TMEM130: variants seen among roughly 807,000 people sequenced by gnomAD.
TMEM130 encodes the protein transmembrane protein 130.
TMEM130 carries 37 observed loss-of-function variants against 42.9 expected under a neutral mutation model. That is an observed-to-expected ratio of 0.86 (90% confidence interval 0.66 to 1.13). The LOEUF (loss-of-function observed/expected upper bound fraction) is 1.13. Ranked by LOEUF, TMEM130 falls within the 50% of genes most tolerant of loss-of-function variation. TMEM130 has a pLI of 0.00. For synonymous variants in TMEM130, 259 were observed against 237.7 expected, an observed-to-expected ratio of 1.09 and a Z score of -0.82; for missense variants, 545 against 562.6, an observed-to-expected ratio of 0.97 and a Z score of 0.32.
At chr7:98,850,875 A>G (rs4727421) in intron 6 of TMEM130, among the ~76,000 whole-genome samples, 80,856 of 151,644 alleles carry the variant, frequency 0.53, 22,156 homozygotes, top group Middle Eastern at 0.63. Context: ...ATTTGGCGCA[A>G]AAGTGTTTGT....
At chr7:98,852,108 A>G (rs1289933890) in intron 5 of TMEM130, among the ~76,000 whole-genome samples, 1 of 151,742 alleles carries the variant, frequency 6.6e-6, no homozygotes. Flanking sequence ...CACCATGCCC[A>G]ACTAATTTTT....
chr7:98,855,455 G>A (rs1266932692), intron 4 of TMEM130, 131 bp from the exon 5 acceptor site: 2 of 762,408 alleles, frequency 2.6e-6, no homozygotes, highest in African/African-American at 1.8e-5. Context: ...CCACAGGTCT[G>A]TGCGGGGTTC....
rs183679290 is a variant in TMEM130, at chr7:98,847,205, T to A, written c.*851A>T. Reference sequence around the variant, plus strand: ...GCAAGGCCTTTTCCTCAGTGAAAGTTTCACAGATGGGTTTCGATAAAATAA... The same window carrying A: ...GCAAGGCCTTTTCCTCAGTGAAAGTATCACAGATGGGTTTCGATAAAATAA... On this transcript the variant is annotated 3_prime_UTR_variant, in exon 8 of 8. Coordinates refer to ENST00000339375, the MANE Select transcript of TMEM130 (RefSeq NM_152913.3). The A allele has an allele frequency of 6.6e-6, 1 of 152,362 alleles. No individual in the cohort carries two copies. Among genetic ancestry groups the A allele is most frequent in the East Asian group, 1.9e-4 (1 of 5,184 alleles). 9.4% of individuals were successfully genotyped at this position (152,362 alleles called of 1,614,324 possible).
chr7:98,852,421 C>T (rs981258925), intron 5 of TMEM130, among the ~76,000 whole-genome samples: 37 of 152,190 alleles, frequency 2.4e-4, no homozygotes, highest in African/African-American at 7.9e-4. Flanking sequence ...TGAGCCACTG[C>T]GCCTGGCCAA....
At chr7:98,850,273 A>ATATATATATATATATTTTTTTTTT in intron 6 of TMEM130, among the ~76,000 whole-genome samples, 1 of 35,474 alleles carries the variant, frequency 2.8e-5, no homozygotes, top group African/African-American at 7.6e-5. Context: ...ATATATATAT[A>ATATATATATATATATTTTTTTTTT]TTTTTTTTTT....
chr7:98,866,663 G>C (rs1174855046), intron 1 of TMEM130: 2 of 152,210 alleles, frequency 1.3e-5, no homozygotes, highest in African/African-American at 4.8e-5. Context: ...TTTTTCAGAC[G>C]CATCTCATTC....
intron 6 of TMEM130, among the ~76,000 whole-genome samples, chr7:98,850,273 A>ATATATATATATATATATATATTTTT: frequency 2.8e-5 from 1 of 35,452 alleles, no homozygotes; most frequent in African/African-American, 7.6e-5. Flanking sequence ...ATATATATAT[A>ATATATATATATATATATATATTTTT]TTTTTTTTTT....
intron 6 of TMEM130, among the ~76,000 whole-genome samples, chr7:98,850,281 T>A (rs1554398027): frequency 7.7e-5 from 6 of 77,728 alleles, no homozygotes; most frequent in South Asian, 4.4e-4. Context: ...ATATTTTTTT[T>A]TTTTTTTAAT....
chr7:98,852,355 C>T (rs1394700501), intron 5 of TMEM130, among the ~76,000 whole-genome samples: 1 of 152,024 alleles, frequency 6.6e-6, no homozygotes, highest in Non-Finnish European at 1.5e-5. Flanking sequence ...GTCTCAAACT[C>T]CTGACCTCAG....
intron 1 of TMEM130, among the ~76,000 whole-genome samples, chr7:98,868,325 C>G (rs1794955893): frequency 6.6e-6 from 1 of 152,080 alleles, no homozygotes. Flanking sequence ...CTCCAAGGGC[C>G]CCCCAAGTCA....
chr7:98,857,334 CA>C (rs1471651836), intron 3 of TMEM130, among the ~76,000 whole-genome samples: 2 of 152,132 alleles, frequency 1.3e-5, no homozygotes, highest in African/African-American at 4.8e-5. Context: ...GTTCCCCCAA[CA>C]TCTCAATGCA....
chr7:98,858,977 A>C, intron 3 of TMEM130, among the ~76,000 whole-genome samples: 1 of 115,662 alleles, frequency 8.6e-6, no homozygotes, highest in East Asian at 2.9e-4. Flanking sequence ...GAAGGAAGAC[A>C]GGGAGGGAGA....
chr7:98,867,872 A>C (rs781923520), intron 1 of TMEM130, among the ~76,000 whole-genome samples: 17 of 152,220 alleles, frequency 1.1e-4, no homozygotes, highest in Non-Finnish European at 2.4e-4. Flanking sequence ...GAAATGGACC[A>C]GGAAGCCTTT....
chr7:98,862,589 C>G (rs1193345162), intron 2 of TMEM130, among the ~76,000 whole-genome samples: 3 of 143,860 alleles, frequency 2.1e-5, no homozygotes, highest in Non-Finnish European at 4.5e-5. Context: ...ACCTCTGCCC[C>G]CCAGGTTCAA....
At chr7:98,855,443 G>T (rs149437139) in intron 4 of TMEM130, 119 bp from the exon 5 acceptor site, 3 of 895,896 alleles carry the variant, frequency 3.3e-6, no homozygotes, top group Non-Finnish European at 5.1e-6. Context: ...CCTAAGAGCA[G>T]GCCACAGGTC....
At chr7:98,849,409 G>A (rs1794437518) in intron 6 of TMEM130, among the ~76,000 whole-genome samples, 1 of 152,186 alleles carries the variant, frequency 6.6e-6, no homozygotes, top group Non-Finnish European at 1.5e-5. Context: ...CCTCTGCCAT[G>A]AGGGTCTGTT....
chr7:98,856,028 A>G lies in TMEM130; in HGVS notation c.707T>C (p.Leu236Pro), dbSNP rs965843976. The change falls in exon 4 of 8, where the codon CTG becomes CCG. Residue 236 changes from leucine (L) to proline (P), a missense_variant. Transcript: ENST00000339375. Reference protein sequence around the residue: ...KQKTGDFSASLKLQETLRGIQ... With the variant: ...KQKTGDFSASPKLQETLRGIQ... The stretch of plus-strand genomic sequence containing the variant: ...GCCTGGACACCCACCCTGCAGCTTC[A>G]GCGAGGCGGAGAAGTCCCCGGTCTT... The G allele has an allele frequency of 1.9e-6, 3 of 1,612,900 alleles. No homozygotes were observed. Among genetic ancestry groups the G allele is most frequent in the African/African-American group, 2.7e-5 (2 of 74,938 alleles).
At position 98,869,197 on chromosome 7, in the gene TMEM130, A is replaced by C. The variant is rs1554401012; in HGVS notation, c.85+580T>G. 4.7e-6 allele frequency: 6 copies of C among 1,288,346 alleles called. No homozygotes were observed. Among genetic ancestry groups the C allele is most frequent in the Non-Finnish European group, 5.1e-6 (5 of 988,412 alleles). 79.8% of individuals were successfully genotyped at this position (1,288,346 alleles called of 1,614,324 possible). A position where few individuals can be genotyped will look rare whatever the true frequency, so the allele number is the denominator to read the frequency against. ...CTGCTTCCCCCACTCCCCCACCCAC[A>C]CACACACCCCAGGAACCTGTCAGCT... On this transcript the variant is annotated intron_variant, in intron 1 of 7. Coordinates refer to ENST00000339375, the MANE Select transcript of TMEM130 (RefSeq NM_152913.3). The surrounding 1 kb of genome is among the most constrained non-coding windows in gnomAD (Gnocchi z 4.7).
chr7:98,869,737 G>A lies in TMEM130; in HGVS notation c.85+40C>T. On this transcript the variant is annotated intron_variant, in intron 1 of 7. Transcript: ENST00000339375. This position sits in a 1 kb window ranked among gnomAD's most constrained non-coding sequence, Gnocchi z 4.7. The stretch of plus-strand genomic sequence containing the variant: ...CTGAGACGGTTCCAGGCCCCGGGCG[G>A]GCTGCGGCTGCAGGGAGGCCGGATT... 1.5e-6 allele frequency: 2 copies of A among 1,326,478 alleles called. No homozygotes were observed. The highest frequency in any genetic ancestry group is 1.8e-5 in the South Asian group (1 of 55,312). The allele number at this position is 1,326,478 out of a possible 1,614,324, so 82.2% of individuals were successfully genotyped here.
Sources: gnomAD v4.1 joint callset for allele counts (sites outside exome capture counted in the v4.1 genomes callset) on GRCh38, gnomAD v4.1.1 for gene constraint, Gnocchi (gnomAD v3.1) non-coding constraint, MANE v1.5 for transcripts, NCBI Gene and HGNC (gene_info 2026-07-23, HGNC 2026-07-21) for gene names.